The following SLC35F4 variants were observed in gnomAD, a reference collection of about 807,000 sequenced individuals.
SLC35F4 encodes the protein chromosome 14 open reading frame 36.
In SLC35F4, 24 loss-of-function variants were observed where a neutral mutation model predicts 44.2. That is an observed-to-expected ratio of 0.54 (90% confidence interval 0.39 to 0.76). The LOEUF is 0.76. Among genes scored for constraint, SLC35F4 ranks in the 30% least tolerant of loss-of-function variants. SLC35F4 has a pLI of 0.00. For missense variants in SLC35F4, 562 were observed against 586.1 expected, an observed-to-expected ratio of 0.96 and a Z score of 0.42; for synonymous variants, 238 against 223.6, an observed-to-expected ratio of 1.06 and a Z score of -0.57.
At chr14:57,954,842 A>G (rs184275456) in intron 1 of SLC35F4, among the ~76,000 whole-genome samples, 4 of 152,128 alleles carry the variant, frequency 2.6e-5, no homozygotes, top group Admixed American at 2.6e-4. Flanking sequence ...GAATTCTACC[A>G]GAGGTACAAA....
intron 1 of SLC35F4, among the ~76,000 whole-genome samples, chr14:57,885,677 G>C (rs1405101405): frequency 6.6e-6 from 1 of 152,190 alleles, no homozygotes; most frequent in Non-Finnish European, 1.5e-5. Context: ...ATCACCATAT[G>C]TGGCTAGTGG....
chr14:57,929,506 T>C lies in SLC35F4; in HGVS notation n.282+52407A>G, dbSNP rs148371227. Among the ~76,000 whole-genome samples, 312 of 152,206 alleles carry C rather than the reference T, an allele frequency of 2.0e-3. 3 individuals carry two copies. Among genetic ancestry groups the C allele is most frequent in the African/African-American group, 7.2e-3 (299 of 41,540 alleles). The stretch of plus-strand genomic sequence containing the variant: ...AGAACCATTAGTGTTCAGGAGATAC[T>C]GACACTAAAACCTGTAGCTGTTGAG... On this transcript the variant is annotated intron_variant and non_coding_transcript_variant, in intron 1 of 1. Transcript: ENST00000556568.
intron 1 of SLC35F4, among the ~76,000 whole-genome samples, chr14:57,901,670 C>G (rs1388374605): frequency 6.6e-6 from 1 of 151,978 alleles, no homozygotes; most frequent in South Asian, 2.1e-4. Flanking sequence ...ACCTCTGAAC[C>G]TAAAAGTTGA....
intron 1 of SLC35F4, among the ~76,000 whole-genome samples, chr14:57,849,818 T>C (rs1171591058): frequency 6.6e-6 from 1 of 152,204 alleles, no homozygotes; most frequent in Non-Finnish European, 1.5e-5. Flanking sequence ...CTTAAGCCAA[T>C]ATAAGCAGAG....
intron 1 of SLC35F4, among the ~76,000 whole-genome samples, chr14:57,797,556 A>G (rs1215719861): frequency 2.0e-5 from 3 of 152,176 alleles, no homozygotes; most frequent in Admixed American, 6.5e-5. Context: ...AAAACTCTGA[A>G]GTACCTTCCA....
At chr14:57,947,090 T>C (rs1890046444) in intron 1 of SLC35F4, among the ~76,000 whole-genome samples, 1 of 152,138 alleles carries the variant, frequency 6.6e-6, no homozygotes, top group African/African-American at 2.4e-5. Context: ...ATTTTCACGA[T>C]ATTGATTCTA....
intron 1 of SLC35F4, among the ~76,000 whole-genome samples, chr14:57,954,170 A>C (rs1890194465): frequency 6.6e-6 from 1 of 152,216 alleles, no homozygotes; most frequent in South Asian, 2.1e-4. Flanking sequence ...CCTGCTCCTG[A>C]ATGACTACTG....
intron 1 of SLC35F4, among the ~76,000 whole-genome samples, chr14:57,772,770 G>A (rs2077399236): frequency 1.3e-5 from 2 of 152,170 alleles, no homozygotes; most frequent in South Asian, 4.1e-4. Flanking sequence ...TGGACACTTA[G>A]GTTGCTTCCA....
chr14:57,584,782 T>C (rs1345540736), intron 3 of SLC35F4, among the ~76,000 whole-genome samples: 1 of 152,210 alleles, frequency 6.6e-6, no homozygotes, highest in Non-Finnish European at 1.5e-5. Flanking sequence ...TTAAACTGAC[T>C]TAACTTGCTT....
At chr14:57,664,572 C>G (rs900959124) in intron 1 of SLC35F4, among the ~76,000 whole-genome samples, 1 of 152,068 alleles carries the variant, frequency 6.6e-6, no homozygotes, top group African/African-American at 2.4e-5. Context: ...CAATGCCCGG[C>G]TAATTTTTTG....
chr14:57,888,548 C>T (rs959393683), intron 1 of SLC35F4, among the ~76,000 whole-genome samples: 1 of 152,142 alleles, frequency 6.6e-6, no homozygotes, highest in Non-Finnish European at 1.5e-5. Flanking sequence ...CAGTCTCATG[C>T]ATAATAAATG....
chr14:57,860,047 C>T lies in SLC35F4; in HGVS notation c.103+5676G>A, dbSNP rs150067610. On this transcript the variant is annotated intron_variant, in intron 1 of 7. Coordinates refer to ENST00000556826, the MANE Select transcript of SLC35F4 (RefSeq NM_001306087.2). ...TACAGACACACCAAAGATGGTAATG[C>T]CATGGGATTAAATGAGCTCACTCAG... Among the ~76,000 whole-genome samples the T allele has an allele frequency of 3.2e-3, 492 of 152,074 alleles. 6 individuals are homozygous for T. Among genetic ancestry groups the T allele is most frequent in the African/African-American group, 0.011 (472 of 41,462 alleles).
In SLC35F4 at chr14:57,576,752, C is replaced by T. The variant is rs58338126; in HGVS notation, c.807+4462G>A. On this transcript the variant is annotated intron_variant, in intron 4 of 7. Transcript: ENST00000556826. Reference sequence around the variant, plus strand: ...TGCTGGGCCTCTGAACTCCCCCTCTCCCTACATGCATGGATTTTTATCTGA... The same window carrying T: ...TGCTGGGCCTCTGAACTCCCCCTCTTCCTACATGCATGGATTTTTATCTGA... Among the ~76,000 whole-genome samples the T allele has an allele frequency of 1.5e-3, 221 of 152,196 alleles. 2 individuals carry two copies. The highest frequency in any genetic ancestry group is 4.7e-3 in the African/African-American group (197 of 41,516).
chr14:57,677,257 G>A (rs959733470), intron 1 of SLC35F4, among the ~76,000 whole-genome samples: 1 of 151,850 alleles, frequency 6.6e-6, no homozygotes, highest in Admixed American at 6.6e-5. Context: ...GGGACTTGAG[G>A]GAAATGTTGG....
intron 1 of SLC35F4, among the ~76,000 whole-genome samples, chr14:57,613,421 GCTC>G (rs1358692606): frequency 2.0e-5 from 3 of 152,168 alleles, no homozygotes; most frequent in Non-Finnish European, 2.9e-5. Context: ...GGCGGTCTGT[GCTC>G]CTATGTCCCC....
rs752770406 is a variant in SLC35F4, at chr14:57,581,298, A to T, written c.723T>A (p.Asp241Glu). 6 of 1,613,818 alleles carry T rather than the reference A, an allele frequency of 3.7e-6. No homozygotes were observed. Among genetic ancestry groups the T allele is most frequent in the Non-Finnish European group, 5.1e-6 (6 of 1,179,818 alleles). ...LLALKKLTATDVSALFCCNKA... is the reference protein window; with the variant it reads ...LLALKKLTATEVSALFCCNKA... ...TGTTACAACAGAACAGAGCGGAGAC[A>T]TCCGTGGCCGTCAGCTTCTTTAAAG... The change falls in exon 4 of 8, where the codon GAT becomes GAA. Residue 241 changes from aspartate to glutamate, a missense_variant. Coordinates refer to ENST00000556826, the MANE Select transcript of SLC35F4 (RefSeq NM_001306087.2).
chr14:57,961,589 C>G (rs952236787), intron 1 of SLC35F4, among the ~76,000 whole-genome samples: 3 of 152,150 alleles, frequency 2.0e-5, no homozygotes, highest in Non-Finnish European at 4.4e-5. Flanking sequence ...CCTTTCAGTG[C>G]TCTTGGGTTA....
intron 1 of SLC35F4, among the ~76,000 whole-genome samples, chr14:57,679,668 G>A (rs1161551617): frequency 6.6e-6 from 1 of 151,846 alleles, no homozygotes; most frequent in Non-Finnish European, 1.5e-5. Context: ...TCAAATAGAT[G>A]CAATAAAAAA....
chr14:57,742,026 G>A (rs1290482273), intron 1 of SLC35F4, among the ~76,000 whole-genome samples: 1 of 152,156 alleles, frequency 6.6e-6, no homozygotes, highest in Non-Finnish European at 1.5e-5. Context: ...CAAATGCTGA[G>A]AGATTTTGTC....
Sources: allele counts gnomAD v4.1 joint callset (sites outside exome capture counted in the v4.1 genomes callset), GRCh38; gene constraint gnomAD v4.1.1; transcripts MANE v1.5; gene names NCBI Gene and HGNC (gene_info 2026-07-23, HGNC 2026-07-21).